Variants in HRH1 observed in about 807,000 individuals in gnomAD.
The protein encoded by HRH1 is histamine H1 receptor.
A neutral mutation model predicts 10.3 loss-of-function variants in HRH1; 6 were observed. The ratio of observed to expected loss-of-function variants is 0.58; its 90% CI spans 0.32 to 1.15. The LOEUF (loss-of-function observed/expected upper bound fraction) is 1.15. HRH1 is among the 50% of genes most tolerant of loss of function. The probability of loss-of-function intolerance (pLI) is 0.05; values close to 1 mark genes in which losing one functional copy is unlikely to be tolerated. For synonymous variants in HRH1, 242 were observed against 236.7 expected (o/e 1.02, Z -0.21); for missense variants, 514 against 615.3 (o/e 0.84, Z 1.74).
chr3:11,181,232 C>A (rs958072615), intron 1 of HRH1, among the ~76,000 whole-genome samples: 1 of 152,160 alleles, frequency 6.6e-6, no homozygotes, highest in African/African-American at 2.4e-5. Context: ...CTGCTGTAAG[C>A]TGCTGTGAGC....
At chr3:11,152,593 C>T (rs1936661125), upstream of HRH1, among the ~76,000 whole-genome samples, 1 of 151,356 alleles carries the variant, frequency 6.6e-6, no homozygotes, top group Admixed American at 6.6e-5. Flanking sequence ...GCAGCCATTT[C>T]CCAGGCTTCC....
chr3:11,197,954 C>T (rs1937731012), intron 1 of HRH1, among the ~76,000 whole-genome samples: 1 of 152,128 alleles, frequency 6.6e-6, no homozygotes, highest in African/African-American at 2.4e-5. Flanking sequence ...CATTCCCTGC[C>T]TGGGAAATGC....
intron 1 of HRH1, among the ~76,000 whole-genome samples, chr3:11,139,278 G>A (rs753161205): frequency 2.7e-5 from 4 of 148,056 alleles, no homozygotes; most frequent in African/African-American, 5.1e-5. Context: ...CGAGCCGCCC[G>A]CCTTTTTTTT....
At position 11,154,940 on chromosome 3, in the gene HRH1, T is replaced by C. The variant is rs935256947; in HGVS notation, c.-36+386T>C. ...CGCTGCTAACCGTAGTGCCAGCCCA[T>C]TGGTTGAGTGCGTTCACTGTGCCAG... On this transcript the variant is annotated intron_variant, in intron 1 of 1. Transcript: ENST00000431010. The surrounding 1 kb of genome is among the most constrained non-coding windows in gnomAD (Gnocchi z 4.4). Among the ~76,000 whole-genome samples the C allele has an allele frequency of 6.6e-5, 10 of 152,172 alleles. No homozygotes were observed. The highest frequency in any genetic ancestry group is 2.4e-4 in the African/African-American group (10 of 41,460).
intron 1 of HRH1, among the ~76,000 whole-genome samples, chr3:11,217,545 G>A (rs1938553880): frequency 6.6e-6 from 1 of 151,984 alleles, no homozygotes; most frequent in South Asian, 2.1e-4. Flanking sequence ...AAAGAAAAAG[G>A]AAGTGGAATG....
At chr3:11,138,388 G>A (rs924554007) in intron 1 of HRH1, among the ~76,000 whole-genome samples, 3 of 152,028 alleles carry the variant, frequency 2.0e-5, no homozygotes, top group Admixed American at 2.0e-4. Context: ...AATGGGTAAA[G>A]GACTTGAACA....
intron 1 of HRH1, among the ~76,000 whole-genome samples, chr3:11,146,781 T>C (rs1431643726): frequency 6.6e-6 from 1 of 152,206 alleles, no homozygotes; most frequent in Admixed American, 6.5e-5. Context: ...AAGAACCTCA[T>C]ATGTCTACCA....
Position 11,237,888 on chromosome 3 carries a change from G to A in HRH1, c.-35-21115G>A, listed in dbSNP as rs575383273. ...AGACGGAGTTTCACCATATTGGCCA[G>A]GGTGGTCTCGAACTCCTGACCTTGT... On this transcript the variant is annotated intron_variant, in intron 1 of 1. Transcript: ENST00000431010. Among the ~76,000 whole-genome samples, 5 of 152,106 alleles carry A rather than the reference G, an allele frequency of 3.3e-5. No individual in the cohort carries two copies. In the South Asian group the frequency reaches 1.0e-3, roughly 32 times the overall value.
chr3:11,169,600 CT>C (rs1937114548), intron 1 of HRH1, among the ~76,000 whole-genome samples: 2 of 152,064 alleles, frequency 1.3e-5, no homozygotes, highest in South Asian at 2.1e-4. Flanking sequence ...GGAGCACCCC[CT>C]ATGAGGTTTG....
rs1237503636 is a variant in HRH1 at position 11,180,617 on chromosome 3, C to T, written c.-36+26063C>T. The stretch of plus-strand genomic sequence containing the variant: ...GGGTACCCCTGTCCTATACCACTCT[C>T]ACCTCCAGCCCCTGGCAACCTCTAT... On this transcript the variant is annotated intron_variant, in intron 1 of 1. Transcript: ENST00000431010. 2.0e-5 allele frequency among the ~76,000 whole-genome samples: 3 copies of T among 152,128 alleles called. No individual in the cohort carries two copies. In the East Asian group the frequency reaches 5.8e-4, roughly 29 times the overall value.
chr3:11,241,075 G>GT (rs981139515), intron 1 of HRH1, among the ~76,000 whole-genome samples: 6 of 151,992 alleles, frequency 3.9e-5, no homozygotes, highest in African/African-American at 7.3e-5. Flanking sequence ...TCTATATTTT[G>GT]TTTTTTTCAA....
chr3:11,145,134 C>T lies in HRH1; in HGVS notation c.-36+7735C>T, dbSNP rs371011574. Reference sequence around the variant, plus strand: ...ACTGCAACCACCTCTAAACCACCTTCCTCCCTTCCTCCAGAGTGGCCTCCT... The same window carrying T: ...ACTGCAACCACCTCTAAACCACCTTTCTCCCTTCCTCCAGAGTGGCCTCCT... On this transcript the variant is annotated intron_variant, in intron 1 of 1. Coordinates refer to the HRH1 transcript ENST00000438284. Among the ~76,000 whole-genome samples the T allele has an allele frequency of 5.9e-5, 9 of 152,282 alleles. No individual in the cohort carries two copies. In the South Asian group the frequency reaches 1.5e-3, roughly 25 times the overall value.
intron 1 of HRH1, among the ~76,000 whole-genome samples, chr3:11,158,278 G>A (rs1251616582): frequency 6.6e-6 from 1 of 152,118 alleles, no homozygotes; most frequent in African/African-American, 2.4e-5. Flanking sequence ...GACCAACAAG[G>A]GACAAAAATA....
chr3:11,234,108 AC>A, intron 1 of HRH1: 1 of 591,790 alleles, frequency 1.7e-6, no homozygotes, highest in Non-Finnish European at 3.0e-6. Flanking sequence ...AGAGGTCAAG[AC>A]CCCTGATCAT....
At position 11,259,358 on chromosome 3, in the gene HRH1, CTA is replaced by C; in HGVS notation, c.323_324del (p.Tyr108CysfsTer16). ...TCTGCCTCTTTTGGCTTTCCATGGA[CTA>C]TGTGGCCAGCACAGCGTCCATTTTC... ...PLCLFWLSMD[Y>X]VASTASIFSV... On this transcript the variant is annotated frameshift_variant, in exon 2 of 2. Transcript: ENST00000431010. LOFTEE classifies it low-confidence loss of function (END_TRUNC). The surrounding 1 kb of genome is among the most constrained non-coding windows in gnomAD (Gnocchi z 4.6). 6.2e-7 allele frequency: 1 copy of C among 1,613,830 alleles called. No individual in the cohort carries two copies. Among genetic ancestry groups the C allele is most frequent in the Non-Finnish European group, 8.5e-7 (1 of 1,180,014 alleles).
intron 1 of HRH1, among the ~76,000 whole-genome samples, chr3:11,247,388 G>A (rs1024892821): frequency 3.9e-5 from 6 of 152,128 alleles, no homozygotes; most frequent in Non-Finnish European, 1.5e-5. Context: ...CACTGAGCAG[G>A]GTAGGGCAGG....
At chr3:11,228,384 C>G (rs538407622) in intron 1 of HRH1, among the ~76,000 whole-genome samples, 7 of 152,182 alleles carry the variant, frequency 4.6e-5, no homozygotes, top group South Asian at 2.1e-4. Flanking sequence ...CTGTCTCTAA[C>G]AAAATTTTTT....
At chr3:11,174,292 C>T (rs1937208897) in intron 1 of HRH1, among the ~76,000 whole-genome samples, 1 of 152,204 alleles carries the variant, frequency 6.6e-6, no homozygotes, top group African/African-American at 2.4e-5. Flanking sequence ...TTCCATGGCT[C>T]ACCTTCTAGG....
rs150614624 is a variant in HRH1, at chr3:11,259,244, C to T, written c.207C>T (p.Leu69=). ...TGGGGAACCTGTACATCGTCAGCCT[C>T]TCGGTGGCGGACTTGATCGTGGGTG... ...HTVGNLYIVS[L]SVADLIVGAV... The change falls in exon 2 of 2, where the codon CTC becomes CTT. Residue 69 remains leucine (L), a synonymous_variant. Transcript: ENST00000431010. This position sits in a 1 kb window ranked among gnomAD's most constrained non-coding sequence, Gnocchi z 4.6. 6.2e-7 allele frequency: 1 copy of T among 1,613,560 alleles called. No individual in the cohort carries two copies. The highest frequency in any genetic ancestry group is 8.5e-7 in the Non-Finnish European group (1 of 1,179,904).
Sources: allele counts gnomAD v4.1 joint callset (sites outside exome capture counted in the v4.1 genomes callset), GRCh38; gene constraint gnomAD v4.1.1; non-coding constraint Gnocchi (gnomAD v3.1); transcripts MANE v1.5; gene names NCBI Gene and HGNC (gene_info 2026-07-23, HGNC 2026-07-21).